RBFOX1: variants seen among roughly 807,000 people sequenced by gnomAD.
RBFOX1 encodes RNA binding fox-1 homolog 1.
In RBFOX1, 8 loss-of-function variants were observed where a neutral mutation model predicts 57.7. That is an observed-to-expected ratio of 0.14 (90% CI 0.08 to 0.25). The LOEUF (loss-of-function observed/expected upper bound fraction) is 0.25. Ranked by LOEUF, RBFOX1 falls within the 10% of genes least tolerant of loss-of-function variation. The probability of loss-of-function intolerance (pLI) is 1.00; values close to 1 mark genes in which losing one functional copy is unlikely to be tolerated. For missense variants in RBFOX1, 611 were observed against 548.5 expected, an observed-to-expected ratio of 1.11 and a Z score of -1.14; for synonymous variants, 326 against 222.4, an observed-to-expected ratio of 1.47 and a Z score of -4.15.
chr16:6,499,370 C>T (rs1347061395), intron 2 of RBFOX1, among the ~76,000 whole-genome samples: 4 of 150,890 alleles, frequency 2.7e-5, no homozygotes, highest in Non-Finnish European at 5.9e-5. Flanking sequence ...CACAAACAGC[C>T]ATGTGTAAAA....
chr16:6,001,194 A>G (rs929259896), intron 4 of RBFOX1, among the ~76,000 whole-genome samples: 4 of 152,234 alleles, frequency 2.6e-5, no homozygotes, highest in African/African-American at 9.6e-5. Flanking sequence ...TCATCTTTGC[A>G]CAGCATGCTT....
At chr16:7,040,786 C>T (rs772721175) in intron 3 of RBFOX1, among the ~76,000 whole-genome samples, 1 of 152,186 alleles carries the variant, frequency 6.6e-6, no homozygotes, top group Non-Finnish European at 1.5e-5. Flanking sequence ...TGAAATCATT[C>T]ATTTTCTAAT....
intron 4 of RBFOX1, among the ~76,000 whole-genome samples, chr16:7,153,233 T>C (rs191740200): frequency 3.4e-3 from 517 of 152,252 alleles, no homozygotes; most frequent in African/African-American, 0.012. Flanking sequence ...ACTTTGAGTC[T>C]GGTAATGTCT....
chr16:5,876,467 TC>T (rs2151911044), intron 4 of RBFOX1, among the ~76,000 whole-genome samples: 1 of 152,252 alleles, frequency 6.6e-6, no homozygotes, highest in East Asian at 1.9e-4. Context: ...GAAAGTGAAG[TC>T]AGGAGTCACC....
At chr16:6,470,970 G>T (rs1222341564) in intron 2 of RBFOX1, among the ~76,000 whole-genome samples, 1 of 152,096 alleles carries the variant, frequency 6.6e-6, no homozygotes, top group Admixed American at 6.5e-5. Flanking sequence ...TCTTCCAGAG[G>T]CTCTTCCTGC....
intron 8 of RBFOX1, chr16:7,597,136 C>A (rs984395968): frequency 5.2e-6 from 2 of 385,906 alleles, no homozygotes; most frequent in South Asian, 4.7e-5. Context: ...ATTAAACACT[C>A]TTAATGATAT....
intron 3 of RBFOX1, among the ~76,000 whole-genome samples, chr16:6,961,460 C>A (rs1260502543): frequency 6.6e-6 from 1 of 152,092 alleles, no homozygotes; most frequent in Admixed American, 6.5e-5. Flanking sequence ...AAAGGGGTCC[C>A]GATCAAGATC....
rs199892519 is a variant in RBFOX1, at chr16:5,454,843, TTCTTTC to T, written c.220-12371_220-12366del. Among the ~76,000 whole-genome samples the T allele has an allele frequency of 8.5e-4, 93 of 108,916 alleles. 1 individual carries two copies. The highest frequency in any genetic ancestry group is 4.7e-3 in the Middle Eastern group (1 of 214). 71.5% of individuals were successfully genotyped at this position (108,916 alleles called of 152,430 possible). ...CCTTTCTTTCCTTGCTTTCTTTCCT[TTCTTTC>T]TTTCTTTTCTTTCTTTCTTTCTTTC... On this transcript the variant is annotated intron_variant, in intron 1 of 2. Transcript: ENST00000585867.
intron 3 of RBFOX1, among the ~76,000 whole-genome samples, chr16:6,799,813 G>C (rs565535110): frequency 6.6e-6 from 1 of 152,032 alleles, no homozygotes; most frequent in Non-Finnish European, 1.5e-5. Context: ...GAGGCTCTTG[G>C]GACTTTAGCC....
chr16:6,314,333 G>A (rs1405425034), intron 1 of RBFOX1, among the ~76,000 whole-genome samples: 1 of 152,188 alleles, frequency 6.6e-6, no homozygotes, highest in Non-Finnish European at 1.5e-5. Flanking sequence ...CACAGCCTGG[G>A]TAGGCCAAGT....
chr16:7,528,387 C>T (rs1475806297), intron 5 of RBFOX1, among the ~76,000 whole-genome samples: 7 of 152,182 alleles, frequency 4.6e-5, no homozygotes, highest in Admixed American at 6.5e-5. Context: ...TTCTGTAGCT[C>T]ATAGAGACTG....
chr16:5,362,770 C>T (rs373041790), intron 1 of RBFOX1, among the ~76,000 whole-genome samples: 4 of 152,240 alleles, frequency 2.6e-5, no homozygotes, highest in African/African-American at 7.2e-5. Context: ...GTTAGAGAGT[C>T]ATCCTGTAAG....
intron 2 of RBFOX1, among the ~76,000 whole-genome samples, chr16:6,330,843 T>C (rs986582143): frequency 1.3e-5 from 2 of 152,140 alleles, no homozygotes; most frequent in African/African-American, 4.8e-5. Context: ...GAAGTGATAT[T>C]TAAGTGGAGA....
At chr16:7,337,451 C>G (rs2096811502) in intron 4 of RBFOX1, among the ~76,000 whole-genome samples, 1 of 152,114 alleles carries the variant, frequency 6.6e-6, no homozygotes, top group African/African-American at 2.4e-5. Flanking sequence ...ATGGAGTTGG[C>G]TTGTGATACT....
intron 3 of RBFOX1, among the ~76,000 whole-genome samples, chr16:6,895,317 C>T (rs2066494028): frequency 6.6e-6 from 1 of 151,078 alleles, no homozygotes; most frequent in Admixed American, 6.6e-5. Context: ...AAACTGGTTC[C>T]ATTCATGATG....
At chr16:6,235,811 A>T (rs2097501632) in intron 1 of RBFOX1, among the ~76,000 whole-genome samples, 1 of 152,128 alleles carries the variant, frequency 6.6e-6, no homozygotes, top group Non-Finnish European at 1.5e-5. Flanking sequence ...AGCTACGAGG[A>T]TGCAAAGGCA....
intron 3 of RBFOX1, among the ~76,000 whole-genome samples, chr16:6,879,936 A>T (rs960963627): frequency 9.2e-5 from 14 of 152,202 alleles, no homozygotes; most frequent in African/African-American, 3.4e-4. Flanking sequence ...TTTTCATTGC[A>T]TCATTTCTTC....
chr16:5,458,087 T>G (rs925358402), intron 1 of RBFOX1, among the ~76,000 whole-genome samples: 1 of 152,192 alleles, frequency 6.6e-6, no homozygotes, highest in Non-Finnish European at 1.5e-5. Flanking sequence ...TTTGTGTAAA[T>G]CATTAATCTC....
chr16:5,726,345 C>T (rs776503059), intron 3 of RBFOX1, among the ~76,000 whole-genome samples: 14 of 152,034 alleles, frequency 9.2e-5, no homozygotes, highest in Non-Finnish European at 1.9e-4. Context: ...ATGCTATGAC[C>T]GGCCCTCTCT....
Sources: allele counts gnomAD v4.1 joint callset (sites outside exome capture counted in the v4.1 genomes callset), GRCh38; gene constraint gnomAD v4.1.1; transcripts MANE v1.5; gene names NCBI Gene and HGNC (gene_info 2026-07-23, HGNC 2026-07-21).